Variants in RORA observed in about 807,000 individuals in gnomAD.
RORA encodes nuclear receptor ROR-alpha.
RORA carries 7 observed loss-of-function variants against 69.5 expected under a neutral mutation model. The observed-to-expected ratio is 0.10, with a 90% confidence interval of 0.06 to 0.19. The LOEUF (loss-of-function observed/expected upper bound fraction) is 0.19, where lower values mean the gene tolerates loss of function less well. Ranked by LOEUF, RORA falls within the 10% of genes least tolerant of loss-of-function variation. The pLI is 1.00. For synonymous variants in RORA, 261 were observed against 240.8 expected (o/e 1.08, Z -0.78); for missense variants, 457 against 663.0 (o/e 0.69, Z 3.41).
chr15:60,881,804 C>T (rs1471164413), intron 1 of RORA, among the ~76,000 whole-genome samples: 3 of 152,210 alleles, frequency 2.0e-5, no homozygotes, highest in Non-Finnish European at 4.4e-5. Context: ...ATTTGAAGCT[C>T]TTTGCAAAAT....
intron 1 of RORA, among the ~76,000 whole-genome samples, chr15:60,875,934 A>G (rs1033287901): frequency 6.6e-6 from 1 of 152,130 alleles, no homozygotes; most frequent in African/African-American, 2.4e-5. Flanking sequence ...TTGAAATACT[A>G]CTTTTCATGG....
rs1425072239 is a variant in RORA at position 60,905,877 on chromosome 15, A to G, written c.167-227191T>C. Among the ~76,000 whole-genome samples the G allele has an allele frequency of 6.6e-6, 1 of 152,130 alleles. No individual in the cohort carries two copies. The highest frequency in any genetic ancestry group is 1.5e-5 in the Non-Finnish European group (1 of 68,024). ...TTCACCTTGTTCTTCCACCCTCATC[A>G]TCCTTTATTCTCCCCCTCTCTTCTA... On this transcript the variant is annotated intron_variant, in intron 1 of 10. Coordinates refer to ENST00000335670, the MANE Select transcript of RORA (RefSeq NM_134261.3). This position sits in a 1 kb window ranked among gnomAD's most constrained non-coding sequence, Gnocchi z 4.8.
At chr15:61,178,017 A>G (rs1352879408) in intron 1 of RORA, among the ~76,000 whole-genome samples, 1 of 152,074 alleles carries the variant, frequency 6.6e-6, no homozygotes, top group East Asian at 1.9e-4. Context: ...AAAGAAGGCC[A>G]AAGGGGAAGA....
At chr15:60,773,028 T>C (rs1337270196) in intron 1 of RORA, among the ~76,000 whole-genome samples, 1 of 152,228 alleles carries the variant, frequency 6.6e-6, no homozygotes, top group Non-Finnish European at 1.5e-5. Flanking sequence ...GCAAGTTCCA[T>C]TTAGCTTTCT....
At chr15:61,021,668 G>A (rs1309818001) in intron 1 of RORA, among the ~76,000 whole-genome samples, 1 of 152,166 alleles carries the variant, frequency 6.6e-6, no homozygotes, top group African/African-American at 2.4e-5. Context: ...GCAATCCCCG[G>A]ACCAGATGCA....
intron 1 of RORA, among the ~76,000 whole-genome samples, chr15:60,839,516 T>C (rs1358766629): frequency 2.6e-5 from 4 of 152,230 alleles, no homozygotes; most frequent in African/African-American, 9.6e-5. Flanking sequence ...CCACACAGCA[T>C]ATTGATAGTC....
At chr15:60,731,631 A>G (rs1184017262) in intron 1 of RORA, among the ~76,000 whole-genome samples, 4 of 152,220 alleles carry the variant, frequency 2.6e-5, no homozygotes, top group Non-Finnish European at 4.4e-5. Flanking sequence ...TCTTTGGTGA[A>G]CTAGAACAGA....
chr15:61,041,765 G>A (rs988929470), intron 1 of RORA, among the ~76,000 whole-genome samples: 3 of 152,130 alleles, frequency 2.0e-5, no homozygotes, highest in Non-Finnish European at 4.4e-5. Flanking sequence ...GGCTCAGAGA[G>A]GTTCATCCCC....
At chr15:60,832,947 C>T (rs934258456) in intron 1 of RORA, among the ~76,000 whole-genome samples, 1 of 152,114 alleles carries the variant, frequency 6.6e-6, no homozygotes, top group African/African-American at 2.4e-5. Flanking sequence ...CTGTGTCGCC[C>T]AGGCTGGAGT....
chr15:61,135,762 T>C (rs576776827), intron 1 of RORA, among the ~76,000 whole-genome samples: 17 of 152,180 alleles, frequency 1.1e-4, no homozygotes, highest in East Asian at 5.8e-4. Context: ...AGCTAGCCCA[T>C]TGGAAAATCT....
At chr15:61,040,708 C>T (rs1379894233) in intron 1 of RORA, among the ~76,000 whole-genome samples, 3 of 151,902 alleles carry the variant, frequency 2.0e-5, no homozygotes, top group Non-Finnish European at 4.4e-5. Flanking sequence ...AAATATTCAT[C>T]GAATAAATAA....
chr15:60,792,612 T>C (rs986093980), intron 1 of RORA, among the ~76,000 whole-genome samples: 1 of 152,106 alleles, frequency 6.6e-6, no homozygotes, highest in African/African-American at 2.4e-5. Flanking sequence ...CTCTCACAAA[T>C]AGCAAAGGCC....
intron 1 of RORA, among the ~76,000 whole-genome samples, chr15:61,191,646 C>A (rs547429368): frequency 1.3e-5 from 2 of 152,164 alleles, no homozygotes; most frequent in African/African-American, 2.4e-5. Context: ...ACACTGACTG[C>A]TTATTGGTTC....
intron 1 of RORA, among the ~76,000 whole-genome samples, chr15:60,755,734 G>T (rs1237458050): frequency 6.6e-6 from 1 of 152,132 alleles, no homozygotes; most frequent in African/African-American, 2.4e-5. Flanking sequence ...TGGGATACAT[G>T]ATTGTTCTTC....
Position 60,589,117 on chromosome 15 carries a change from G to A in RORA, c.197-57266C>T, listed in dbSNP as rs115206716. On this transcript the variant is annotated intron_variant, in intron 2 of 10. Coordinates refer to ENST00000335670, the MANE Select transcript of RORA (RefSeq NM_134261.3). ...CTTCTCCCAATCCTTCCCATCACAA[G>A]TAACAAAAATGGTACAAAAATCCCA... is the stretch of plus-strand genomic sequence containing the variant. Among the ~76,000 whole-genome samples, 1,167 of 152,252 alleles carry A rather than the reference G, an allele frequency of 7.7e-3. 16 individuals are homozygous for A. The highest frequency in any genetic ancestry group is 0.027 in the African/African-American group (1,115 of 41,532).
intron 2 of RORA, among the ~76,000 whole-genome samples, chr15:60,662,384 G>A (rs1426090709): frequency 6.6e-6 from 1 of 152,204 alleles, no homozygotes; most frequent in Admixed American, 6.5e-5. Context: ...GTAGCAAACT[G>A]TCAAAATCTA....
chr15:60,542,931 CACAT>C (rs1157401083), intron 2 of RORA, among the ~76,000 whole-genome samples: 2 of 151,534 alleles, frequency 1.3e-5, no homozygotes, highest in African/African-American at 2.4e-5. Flanking sequence ...ATGCCACACA[CACAT>C]ACACTGCACA....
chr15:60,948,246 A>G (rs1308663008), intron 1 of RORA, among the ~76,000 whole-genome samples: 3 of 138,896 alleles, frequency 2.2e-5, no homozygotes, highest in East Asian at 4.0e-4. Flanking sequence ...AATATGACTG[A>G]AAAAAAAAAA....
chr15:60,554,533 G>A (rs1433093244), intron 2 of RORA, among the ~76,000 whole-genome samples: 3 of 152,178 alleles, frequency 2.0e-5, no homozygotes, highest in African/African-American at 7.2e-5. Flanking sequence ...ATGACCCATT[G>A]AAAGGCTTAT....
Sources: allele counts gnomAD v4.1 joint callset (sites outside exome capture counted in the v4.1 genomes callset), GRCh38; gene constraint gnomAD v4.1.1; non-coding constraint Gnocchi (gnomAD v3.1); transcripts MANE v1.5; gene names NCBI Gene and HGNC (gene_info 2026-07-23, HGNC 2026-07-21).